GRIA1: variants seen among roughly 807,000 people sequenced by gnomAD.
The protein encoded by GRIA1 is glutamate receptor 1.
A neutral mutation model predicts 99.2 loss-of-function variants in GRIA1; 31 were observed. The ratio of observed to expected loss-of-function variants is 0.31; its 90% CI spans 0.23 to 0.42. The LOEUF (loss-of-function observed/expected upper bound fraction) is 0.42. GRIA1 is among the 10% of genes least tolerant of loss of function. The pLI, the probability that GRIA1 is intolerant of heterozygous loss-of-function variation, is 1.00. For synonymous variants in GRIA1, 438 were observed against 432.4 expected, an observed-to-expected ratio of 1.01 and a Z score of -0.16; for missense variants, 782 against 1,157.5, an observed-to-expected ratio of 0.68 and a Z score of 4.71.
chr5:153,710,477 C>T (rs1422385031), intron 11 of GRIA1, among the ~76,000 whole-genome samples: 2 of 152,136 alleles, frequency 1.3e-5, no homozygotes, highest in African/African-American at 2.4e-5. Flanking sequence ...CCTACCTTGG[C>T]CTCCTGAAGT....
chr5:153,631,593 G>T (rs188436052), intron 2 of GRIA1, among the ~76,000 whole-genome samples: 12 of 152,082 alleles, frequency 7.9e-5, no homozygotes, highest in African/African-American at 2.9e-4. Context: ...CTAAGGTTGG[G>T]GAAAAGCATG....
chr5:153,523,563 G>T (rs1036959413), intron 2 of GRIA1, among the ~76,000 whole-genome samples: 1 of 151,886 alleles, frequency 6.6e-6, no homozygotes, highest in African/African-American at 2.4e-5. Flanking sequence ...AGAACACAGA[G>T]CACAGCATCA....
At chr5:153,602,588 C>T (rs1056300899) in intron 2 of GRIA1, among the ~76,000 whole-genome samples, 1 of 152,100 alleles carries the variant, frequency 6.6e-6, no homozygotes, top group Non-Finnish European at 1.5e-5. Flanking sequence ...TTGAATTGCT[C>T]TTAGACAGCA....
chr5:153,658,624 A>C (rs1289586421), intron 5 of GRIA1, among the ~76,000 whole-genome samples: 3 of 152,236 alleles, frequency 2.0e-5, no homozygotes, highest in African/African-American at 7.2e-5. Context: ...AATGCAATTC[A>C]TAAGACGATA....
At chr5:153,542,072 C>A (rs1759177506) in intron 2 of GRIA1, among the ~76,000 whole-genome samples, 1 of 151,908 alleles carries the variant, frequency 6.6e-6, no homozygotes, top group East Asian at 1.9e-4. Context: ...CCAATCTGCT[C>A]TGTCCTTCTG....
At position 153,668,763 on chromosome 5, in the gene GRIA1, G is replaced by A. The variant is rs149468159; in HGVS notation, c.700-5737G>A. ...ACCCTTAGGAGGTTAGTGTCAAGGAGAGGAACCTAGCGCAGTCCCACAAAT... is the reference window on the plus strand; with the variant it reads ...ACCCTTAGGAGGTTAGTGTCAAGGAAAGGAACCTAGCGCAGTCCCACAAAT... On this transcript the variant is annotated intron_variant, in intron 5 of 15. Coordinates refer to ENST00000285900, the MANE Select transcript of GRIA1 (RefSeq NM_000827.4). Among the ~76,000 whole-genome samples, 765 of 152,316 alleles carry A rather than the reference G, an allele frequency of 5.0e-3. 6 individuals carry two copies. Among genetic ancestry groups the A allele is most frequent in the African/African-American group, 0.017 (718 of 41,572 alleles).
At chr5:153,687,782 C>T (rs1027368598) in intron 8 of GRIA1, among the ~76,000 whole-genome samples, 9 of 152,160 alleles carry the variant, frequency 5.9e-5, no homozygotes, top group Admixed American at 2.6e-4. Context: ...TGTCTAGAAC[C>T]GCATCTTCTA....
intron 14 of GRIA1, among the ~76,000 whole-genome samples, chr5:153,798,304 G>C (rs928954759): frequency 4.6e-5 from 7 of 152,110 alleles, no homozygotes; most frequent in African/African-American, 1.4e-4. Context: ...CAGGGAAACG[G>C]TCCTTAAGCC....
chr5:153,647,282 G>T, intron 3 of GRIA1, 115 bp downstream of exon 3: 1 of 1,282,480 alleles, frequency 7.8e-7, no homozygotes, highest in Non-Finnish European at 1.1e-6. Context: ...TATCCAAAAT[G>T]CTTTATTTCT....
At chr5:153,563,007 C>T (rs1380076347) in intron 2 of GRIA1, among the ~76,000 whole-genome samples, 2 of 151,962 alleles carry the variant, frequency 1.3e-5, no homozygotes, top group Non-Finnish European at 2.9e-5. Flanking sequence ...GAAACCCCGT[C>T]TCTACTAAAA....
At chr5:153,719,038 G>A (rs569253601) in intron 11 of GRIA1, among the ~76,000 whole-genome samples, 2 of 152,300 alleles carry the variant, frequency 1.3e-5, no homozygotes, top group African/African-American at 2.4e-5. Flanking sequence ...CCACAAGTCC[G>A]TTCCTGCTCT....
chr5:153,726,954 C>T (rs367741763), intron 11 of GRIA1, among the ~76,000 whole-genome samples: 2 of 152,270 alleles, frequency 1.3e-5, no homozygotes, highest in South Asian at 2.1e-4. Context: ...TTTAGACCAA[C>T]ATCCTTGATG....
chr5:153,547,176 T>C (rs921440729), intron 2 of GRIA1, among the ~76,000 whole-genome samples: 4 of 131,590 alleles, frequency 3.0e-5, no homozygotes, highest in Non-Finnish European at 6.0e-5. Flanking sequence ...TTTTGTGTGA[T>C]TTTTTTTTTA....
At chr5:153,613,755 G>A (rs1042114403) in intron 2 of GRIA1, among the ~76,000 whole-genome samples, 4 of 151,644 alleles carry the variant, frequency 2.6e-5, no homozygotes, top group South Asian at 2.1e-4. Context: ...ATTCTTCAGC[G>A]TTAAAGGGGC....
At chr5:153,725,917 C>T (rs1017448904) in intron 11 of GRIA1, among the ~76,000 whole-genome samples, 2 of 130,846 alleles carry the variant, frequency 1.5e-5, no homozygotes, top group African/African-American at 2.9e-5. Context: ...AACCCTCCAC[C>T]CCATATCAAC....
At chr5:153,664,330 T>A (rs1489796206) in intron 5 of GRIA1, among the ~76,000 whole-genome samples, 1 of 152,098 alleles carries the variant, frequency 6.6e-6, no homozygotes, top group African/African-American at 2.4e-5. Flanking sequence ...CACTAAAAGG[T>A]TGAGTAGCCC....
At chr5:153,565,934 A>G (rs1443624117) in intron 2 of GRIA1, among the ~76,000 whole-genome samples, 5 of 152,166 alleles carry the variant, frequency 3.3e-5, no homozygotes, top group Admixed American at 2.0e-4. Flanking sequence ...TGCTATGGAA[A>G]TTCTTTTACA....
intron 11 of GRIA1, among the ~76,000 whole-genome samples, chr5:153,714,904 A>C (rs937640181): frequency 2.0e-5 from 3 of 152,276 alleles, no homozygotes; most frequent in Non-Finnish European, 2.9e-5. Flanking sequence ...TAGAAACCAC[A>C]AACCTAGCTG....
upstream of GRIA1, chr5:153,490,150 A>G (rs537477536): frequency 9.3e-5 from 25 of 267,852 alleles, no homozygotes; most frequent in Non-Finnish European, 1.0e-4. Flanking sequence ...TGTAGGAATA[A>G]TTGGGCCAGT....
Sources: allele counts gnomAD v4.1 joint callset (sites outside exome capture counted in the v4.1 genomes callset), GRCh38; gene constraint gnomAD v4.1.1; transcripts MANE v1.5; gene names NCBI Gene and HGNC (gene_info 2026-07-23, HGNC 2026-07-21).